ADAMTSL1: variants seen among roughly 807,000 people sequenced by gnomAD.
ADAMTSL1 encodes the protein ADAMTS like 1, also known as ADAMTS-like protein 1.
In ADAMTSL1, 126 loss-of-function variants were observed where a neutral mutation model predicts 201.8. The ratio of observed to expected loss-of-function variants is 0.62; its 90% CI spans 0.54 to 0.72. ADAMTSL1 has a LOEUF of 0.72. Ranked by LOEUF, ADAMTSL1 falls within the 30% of genes least tolerant of loss-of-function variation. ADAMTSL1 has a pLI of 0.00. For synonymous variants in ADAMTSL1, 1,121 were observed against 903.4 expected (o/e 1.24, Z -4.32); for missense variants, 2,679 against 2,277.8 (o/e 1.18, Z -3.59).
intron 4 of ADAMTSL1, among the ~76,000 whole-genome samples, chr9:18,595,223 C>T (rs1453969242): frequency 1.3e-5 from 2 of 152,126 alleles, no homozygotes; most frequent in Admixed American, 6.5e-5. Context: ...TAGGCCTCTG[C>T]CCAGGTAGGA....
At chr9:17,931,157 G>A (rs1238109130) in intron 1 of ADAMTSL1, among the ~76,000 whole-genome samples, 2 of 152,086 alleles carry the variant, frequency 1.3e-5, no homozygotes, top group East Asian at 1.9e-4. Context: ...ACCGAGCTAC[G>A]ACATCATGAT....
At chr9:18,785,595 G>A (rs547510308) in intron 19 of ADAMTSL1, among the ~76,000 whole-genome samples, 6 of 152,132 alleles carry the variant, frequency 3.9e-5, no homozygotes, top group South Asian at 2.1e-4. Context: ...ACTGTTCCTC[G>A]CTTTCAGTCA....
At chr9:18,386,540 G>C (rs931992041) in intron 2 of ADAMTSL1, among the ~76,000 whole-genome samples, 7 of 152,028 alleles carry the variant, frequency 4.6e-5, no homozygotes, top group Non-Finnish European at 7.4e-5. Context: ...ATTTAATAAG[G>C]GGGCTCTCTT....
At chr9:18,111,091 TCC>T (rs780647955) in intron 1 of ADAMTSL1, among the ~76,000 whole-genome samples, 6 of 152,250 alleles carry the variant, frequency 3.9e-5, no homozygotes, top group African/African-American at 4.8e-5. Flanking sequence ...TCCTTAAACT[TCC>T]CTTGCTAAAA....
intron 4 of ADAMTSL1, among the ~76,000 whole-genome samples, chr9:18,607,901 A>C (rs1025470070): frequency 6.6e-6 from 1 of 152,208 alleles, no homozygotes; most frequent in South Asian, 2.1e-4. Context: ...TACAAAGGAC[A>C]TGAACTCATC....
intron 1 of ADAMTSL1, among the ~76,000 whole-genome samples, chr9:17,956,719 A>G (rs1827946677): frequency 1.3e-5 from 2 of 152,180 alleles, no homozygotes; most frequent in African/African-American, 2.4e-5. Context: ...GGTTCAAGCA[A>G]TTAGAAGCCA....
intron 2 of ADAMTSL1, among the ~76,000 whole-genome samples, chr9:18,299,457 G>T (rs1042976895): frequency 1.3e-4 from 20 of 152,174 alleles, no homozygotes; most frequent in African/African-American, 4.3e-4. Flanking sequence ...CCAGATAAAG[G>T]CATTAGCAAT....
At chr9:18,230,012 A>G (rs1037550294) in intron 2 of ADAMTSL1, among the ~76,000 whole-genome samples, 2 of 152,152 alleles carry the variant, frequency 1.3e-5, no homozygotes, top group Non-Finnish European at 2.9e-5. Context: ...ACCAAAATTT[A>G]TTGACCAATA....
At chr9:18,210,885 A>T (rs991598911) in intron 2 of ADAMTSL1, among the ~76,000 whole-genome samples, 2 of 151,990 alleles carry the variant, frequency 1.3e-5, no homozygotes, top group East Asian at 1.9e-4. Flanking sequence ...ATTTGTCACC[A>T]TAGAGTTTAA....
chr9:18,154,852 A>G (rs1307705380), intron 1 of ADAMTSL1, among the ~76,000 whole-genome samples: 1 of 152,030 alleles, frequency 6.6e-6, no homozygotes, highest in Non-Finnish European at 1.5e-5. Flanking sequence ...TTTCTTAGGC[A>G]TTTTCTTGAG....
chr9:18,030,716 A>T (rs1196646253), intron 1 of ADAMTSL1, among the ~76,000 whole-genome samples: 1 of 152,036 alleles, frequency 6.6e-6, no homozygotes, highest in Non-Finnish European at 1.5e-5. Context: ...TCTCTAGTAA[A>T]ATTGGAGAAA....
upstream of ADAMTSL1, among the ~76,000 whole-genome samples, chr9:18,471,776 A>G (rs1274613094): frequency 6.6e-6 from 1 of 152,222 alleles, no homozygotes; most frequent in Non-Finnish European, 1.5e-5. Flanking sequence ...ACTTTAAAAT[A>G]GTATATTATT....
In ADAMTSL1 at chr9:18,316,685, C is replaced by G. The variant is rs189690731; in HGVS notation, c.207+152704C>G. On this transcript the variant is annotated intron_variant, in intron 2 of 29. Coordinates refer to the ADAMTSL1 transcript ENST00000680146. Reference sequence around the variant, plus strand: ...AAACACACATGCTGTACAATTTATGCAGTTAATGCAATTATTCCAGGGTCC... The same window carrying G: ...AAACACACATGCTGTACAATTTATGGAGTTAATGCAATTATTCCAGGGTCC... Among the ~76,000 whole-genome samples, 5 of 152,120 alleles carry G rather than the reference C, an allele frequency of 3.3e-5. No homozygotes were observed. The East Asian group carries it at 7.7e-4, about 23-fold the overall frequency.
At chr9:18,027,049 G>C (rs1397968168) in intron 1 of ADAMTSL1, among the ~76,000 whole-genome samples, 1 of 149,806 alleles carries the variant, frequency 6.7e-6, no homozygotes, top group East Asian at 1.9e-4. Flanking sequence ...GGAATTGGTT[G>C]TGATATCACC....
At chr9:18,295,879 AAAG>A (rs1167162194) in intron 2 of ADAMTSL1, among the ~76,000 whole-genome samples, 3 of 152,212 alleles carry the variant, frequency 2.0e-5, no homozygotes, top group Non-Finnish European at 4.4e-5. Context: ...GTATTAACAT[AAAG>A]AAGAATATAT....
intron 2 of ADAMTSL1, among the ~76,000 whole-genome samples, chr9:18,289,764 A>G (rs10117254): frequency 0.71 from 107,503 of 152,096 alleles, 38,098 homozygotes; most frequent in Admixed American, 0.8. Flanking sequence ...ACCTAGAGAG[A>G]CACCAGCTCT....
chr9:18,023,275 T>G (rs1820556448), intron 1 of ADAMTSL1, among the ~76,000 whole-genome samples: 2 of 152,026 alleles, frequency 1.3e-5, no homozygotes, highest in South Asian at 4.1e-4. Context: ...AGTATCAGCT[T>G]TAGTAGGTCT....
intron 2 of ADAMTSL1, among the ~76,000 whole-genome samples, chr9:18,287,956 T>A (rs1466838522): frequency 1.3e-5 from 2 of 152,170 alleles, no homozygotes; most frequent in African/African-American, 4.8e-5. Flanking sequence ...TGTACAGAAC[T>A]TTTTTACTGA....
chr9:18,644,757 T>C (rs970456555), intron 7 of ADAMTSL1, among the ~76,000 whole-genome samples: 9 of 152,242 alleles, frequency 5.9e-5, no homozygotes, highest in Non-Finnish European at 1.2e-4. Flanking sequence ...ATGGTGTATA[T>C]GTGCCACATT....
Sources: allele counts gnomAD v4.1 joint callset (sites outside exome capture counted in the v4.1 genomes callset), GRCh38; gene constraint gnomAD v4.1.1; transcripts MANE v1.5; gene names NCBI Gene and HGNC (gene_info 2026-07-23, HGNC 2026-07-21).